Variants in PLXNA2 observed in about 807,000 individuals in gnomAD.
PLXNA2 encodes plexin-A2.
PLXNA2 carries 91 observed loss-of-function variants against 193.5 expected under a neutral mutation model. The ratio of observed to expected loss-of-function variants is 0.47; its 90% CI spans 0.40 to 0.56. The LOEUF is 0.56. PLXNA2 is among the 20% of genes least tolerant of loss of function. PLXNA2 has a pLI of 0.00. For synonymous variants in PLXNA2, 997 were observed against 1,027.3 expected (o/e 0.97, Z 0.56); for missense variants, 1,995 against 2,503.2 (o/e 0.80, Z 4.33).
chr1:208,112,686 G>C (rs1667519198), intron 4 of PLXNA2, among the ~76,000 whole-genome samples: 1 of 152,110 alleles, frequency 6.6e-6, no homozygotes, highest in African/African-American at 2.4e-5. Context: ...TCTATGACAT[G>C]GGGAGAATTA....
rs114547760 is a variant in PLXNA2, at chr1:208,153,674, G to A, written c.1372-11211C>T. On this transcript the variant is annotated intron_variant, in intron 3 of 31. Transcript: ENST00000367033. ...CAGACAGGTGGAAAGCAAGAATTGAGGTTACGAAGATGAGGTCAGAGTTGG... is the reference window on the plus strand; with the variant it reads ...CAGACAGGTGGAAAGCAAGAATTGAAGTTACGAAGATGAGGTCAGAGTTGG... 5.4e-3 allele frequency among the ~76,000 whole-genome samples: 827 copies of A among 152,300 alleles called. 6 individuals are homozygous for A. The highest frequency in any genetic ancestry group is 0.019 in the African/African-American group (793 of 41,568).
chr1:208,079,819 T>C (rs1383837764), intron 11 of PLXNA2, among the ~76,000 whole-genome samples: 2 of 152,132 alleles, frequency 1.3e-5, no homozygotes, highest in Admixed American at 6.5e-5. Context: ...AATAAGATAA[T>C]GTATATTAAG....
intron 26 of PLXNA2, among the ~76,000 whole-genome samples, chr1:208,037,587 T>C (rs1477118406): frequency 6.6e-6 from 1 of 152,164 alleles, no homozygotes; most frequent in African/African-American, 2.4e-5. Context: ...ATTTCCAGTT[T>C]CTATTTTAGT....
chr1:208,200,595 TTTTTTC>T (rs869285810), intron 3 of PLXNA2, among the ~76,000 whole-genome samples: 1 of 145,834 alleles, frequency 6.9e-6, no homozygotes, highest in South Asian at 2.3e-4. Flanking sequence ...TTTTTTTTTT[TTTTTTC>T]TTTTTTTGGA....
chr1:208,188,343 C>T (rs1670071035), intron 3 of PLXNA2, among the ~76,000 whole-genome samples: 1 of 152,154 alleles, frequency 6.6e-6, no homozygotes, highest in Non-Finnish European at 1.5e-5. Context: ...AACTTTGAGC[C>T]ACAAAACTAG....
At chr1:208,104,458 C>G (rs1667196963) in intron 4 of PLXNA2, among the ~76,000 whole-genome samples, 1 of 152,146 alleles carries the variant, frequency 6.6e-6, no homozygotes, top group African/African-American at 2.4e-5. Context: ...ACTTGCTCTA[C>G]ATTGTGCTGA....
chr1:208,084,624 C>T lies in PLXNA2; in HGVS notation c.2098-44G>A. 3 of 1,585,534 alleles carry T rather than the reference C, an allele frequency of 1.9e-6. No homozygotes were observed. In the South Asian group the frequency reaches 3.4e-5, roughly 18 times the overall value. On this transcript the variant is annotated intron_variant, in intron 9 of 31. Coordinates refer to ENST00000367033, the MANE Select transcript of PLXNA2 (RefSeq NM_025179.4). ...AGGCTCCATCTGTCCCCTGTTCATG[C>T]TGTCCTATGTGCCTGGGACAGGCAG...
In PLXNA2 at chr1:208,149,144, A is replaced by G. The variant is rs555143264; in HGVS notation, c.1372-6681T>C. 2.6e-5 allele frequency among the ~76,000 whole-genome samples: 4 copies of G among 152,168 alleles called. No homozygotes were observed. In the South Asian group the frequency reaches 6.2e-4, roughly 24 times the overall value. ...TGTGGTCTATTAACATATATGTGGCATGTGAATGTGTATGTGTGTGGCATG... is the reference window on the plus strand; with the variant it reads ...TGTGGTCTATTAACATATATGTGGCGTGTGAATGTGTATGTGTGTGGCATG... On this transcript the variant is annotated intron_variant, in intron 3 of 31. Coordinates refer to ENST00000367033, the MANE Select transcript of PLXNA2 (RefSeq NM_025179.4).
In PLXNA2 at chr1:208,060,785, C is replaced by T; in HGVS notation, c.2639G>A (p.Gly880Asp). Residue 880 changes from glycine to aspartate, a missense_variant, in exon 13 of 32, where the codon GGC becomes GAC. Gly to Asp is a moderately conservative substitution (Grantham distance 94). Coordinates refer to ENST00000367033, the MANE Select transcript of PLXNA2 (RefSeq NM_025179.4). ...GGAGAAGTCCAGACCCAGGTTCACG[C>T]CATGGATGGTCACTCGCGTCCCTCC... is the stretch of plus-strand genomic sequence containing the variant. ...PEGGTRVTIH[G>D]VNLGLDFSEI... 1 of 1,614,078 alleles carries T rather than the reference C, an allele frequency of 6.2e-7. No homozygotes were observed. Among genetic ancestry groups the T allele is most frequent in the Non-Finnish European group, 8.5e-7 (1 of 1,180,000 alleles).
At chr1:208,200,577 CTTTTTTTTTTTTT>C (rs36026400) in intron 3 of PLXNA2, among the ~76,000 whole-genome samples, 1 of 113,998 alleles carries the variant, frequency 8.8e-6, no homozygotes, top group African/African-American at 3.3e-5. Flanking sequence ...CCCAATCCTT[CTTTTTTTTTTTTT>C]TTTTTTTTTT....
intron 21 of PLXNA2, 49 bp from the exon 22 acceptor site, chr1:208,042,415 G>A (rs1571853599): frequency 6.3e-7 from 1 of 1,583,980 alleles, no homozygotes; most frequent in East Asian, 2.2e-5. Flanking sequence ...CAGGCATCGG[G>A]CCTCCTACCT....
At chr1:208,136,696 T>C (rs146489883) in intron 4 of PLXNA2, among the ~76,000 whole-genome samples, 147 of 152,186 alleles carry the variant, frequency 9.7e-4, no homozygotes, top group Non-Finnish European at 7.3e-5. Flanking sequence ...CTCAGCTCAG[T>C]GCTGTCATTT....
intron 1 of PLXNA2, among the ~76,000 whole-genome samples, chr1:208,219,427 G>A (rs1362195403): frequency 6.6e-6 from 1 of 152,228 alleles, no homozygotes; most frequent in African/African-American, 2.4e-5. Context: ...GAGCTGTCCG[G>A]CAGAGAAAGC....
chr1:208,194,178 T>C (rs535307056), intron 3 of PLXNA2, among the ~76,000 whole-genome samples: 20 of 151,694 alleles, frequency 1.3e-4, no homozygotes, highest in Non-Finnish European at 2.6e-4. Context: ...TGTGCTCAGG[T>C]TGGGAGCCCC....
chr1:208,123,049 C>T (rs577702040), intron 4 of PLXNA2, among the ~76,000 whole-genome samples: 1 of 152,146 alleles, frequency 6.6e-6, no homozygotes, highest in African/African-American at 2.4e-5. Context: ...CAAAAGAAAC[C>T]CCATACCCAT....
intron 13 of PLXNA2, among the ~76,000 whole-genome samples, chr1:208,055,514 T>C (rs1156375066): frequency 2.6e-5 from 4 of 152,008 alleles, no homozygotes; most frequent in Non-Finnish European, 5.9e-5. Flanking sequence ...TAAAAAGAGC[T>C]TGGGAATGGA....
chr1:208,057,821 C>T (rs972942123), intron 13 of PLXNA2, among the ~76,000 whole-genome samples: 1 of 152,198 alleles, frequency 6.6e-6, no homozygotes, highest in Non-Finnish European at 1.5e-5. Flanking sequence ...CACCTTAGTG[C>T]CACAGATAAT....
intron 3 of PLXNA2, among the ~76,000 whole-genome samples, chr1:208,208,930 C>G (rs1317416439): frequency 6.6e-6 from 1 of 152,184 alleles, no homozygotes; most frequent in Non-Finnish European, 1.5e-5. Context: ...CCTCAGGGTT[C>G]CAAGCTGAAT....
At position 208,125,553 on chromosome 1, in the gene PLXNA2, C is replaced by T. The variant is rs17187127; in HGVS notation, c.1506+16776G>A. Among the ~76,000 whole-genome samples the T allele has an allele frequency of 7.6e-3, 1,161 of 152,262 alleles. 11 individuals are homozygous for T. The highest frequency in any genetic ancestry group is 0.058 in the Middle Eastern group (17 of 294). On this transcript the variant is annotated intron_variant, in intron 4 of 31. Transcript: ENST00000367033. ...TTTCTCCATTAATCTGGGCATGCTC[C>T]AATTTGCACTAGGAGCATACATTTG...
Sources: allele counts gnomAD v4.1 joint callset (sites outside exome capture counted in the v4.1 genomes callset), GRCh38; gene constraint gnomAD v4.1.1; transcripts MANE v1.5; gene names NCBI Gene and HGNC (gene_info 2026-07-23, HGNC 2026-07-21).